Variants in OTOGL observed in about 807,000 individuals in gnomAD.
OTOGL encodes the protein otogelin-like protein.
Under a neutral mutation model 318.5 loss-of-function variants are expected in OTOGL, and 285 were observed. The ratio of observed to expected loss-of-function variants is 0.89; its 90% CI spans 0.81 to 0.99. The LOEUF is 0.99. Ranked by LOEUF, OTOGL falls within the 50% of genes least tolerant of loss-of-function variation. OTOGL has a pLI of 0.00. For missense variants in OTOGL, 2,899 were observed against 2,845.6 expected (o/e 1.02, Z -0.43); for synonymous variants, 987 against 936.5 (o/e 1.05, Z -0.99).
intron 1 of OTOGL, among the ~76,000 whole-genome samples, chr12:80,163,054 T>C (rs1873621418): frequency 6.6e-6 from 1 of 152,142 alleles, no homozygotes; most frequent in Non-Finnish European, 1.5e-5. Context: ...GGAGCCTGGA[T>C]ACATCATAAT....
chr12:80,230,511 A>G (rs1879268029), intron 8 of OTOGL, among the ~76,000 whole-genome samples: 1 of 152,198 alleles, frequency 6.6e-6, no homozygotes, highest in Non-Finnish European at 1.5e-5. Flanking sequence ...AAAAATTATC[A>G]TGTTTTGTAA....
chr12:80,328,510 C>T (rs150510180), intron 35 of OTOGL, among the ~76,000 whole-genome samples, 155 bp from the exon 36 acceptor site: 6 of 152,130 alleles, frequency 3.9e-5, no homozygotes, highest in African/African-American at 9.6e-5. Flanking sequence ...TTTTATAAAA[C>T]GAAGTAGCAG....
At chr12:80,365,701 C>G (rs1266837971) in intron 52 of OTOGL, among the ~76,000 whole-genome samples, 1 of 151,982 alleles carries the variant, frequency 6.6e-6, no homozygotes. Flanking sequence ...GAATTAGTGT[C>G]CATAAGACTA....
At chr12:80,344,889 T>C (rs4459376) in intron 44 of OTOGL, among the ~76,000 whole-genome samples, 4,753 of 150,274 alleles carry the variant, frequency 0.032, 162 homozygotes, top group Admixed American at 0.1. Flanking sequence ...TTTTTTTAAG[T>C]GTTATAGTTT....
intron 8 of OTOGL, among the ~76,000 whole-genome samples, chr12:80,230,532 C>A (rs1879269191): frequency 2.6e-5 from 4 of 152,006 alleles, no homozygotes; most frequent in African/African-American, 9.7e-5. Context: ...AACAGACTTG[C>A]CATTCAGATT....
chr12:80,249,450 G>T (rs938180109), intron 11 of OTOGL, among the ~76,000 whole-genome samples: 4 of 151,522 alleles, frequency 2.6e-5, no homozygotes, highest in African/African-American at 9.8e-5. Context: ...TGCCCCTGCT[G>T]GGGGGTGCCT....
intron 26 of OTOGL, among the ~76,000 whole-genome samples, chr12:80,294,949 G>T (rs373942077): frequency 1.3e-5 from 2 of 152,028 alleles, no homozygotes; most frequent in South Asian, 2.1e-4. Flanking sequence ...AATTGGTCAG[G>T]TGTGGTGGCA....
At chr12:80,264,099 C>G (rs1882761910) in intron 19 of OTOGL, among the ~76,000 whole-genome samples, 1 of 152,024 alleles carries the variant, frequency 6.6e-6, no homozygotes, top group African/African-American at 2.4e-5. Flanking sequence ...TGATCTCCAA[C>G]AGCTTATCTG....
chr12:80,310,050 A>G (rs532206201), intron 29 of OTOGL, among the ~76,000 whole-genome samples: 44 of 152,332 alleles, frequency 2.9e-4, no homozygotes, highest in African/African-American at 1.0e-3. Context: ...CCAAATGAGG[A>G]GAGACATTTA....
At chr12:80,197,056 G>T (rs1207392688) in intron 1 of OTOGL, among the ~76,000 whole-genome samples, 1 of 152,034 alleles carries the variant, frequency 6.6e-6, no homozygotes, top group Non-Finnish European at 1.5e-5. Context: ...ATACAACTTT[G>T]GTGTCCACAA....
At chr12:80,281,325 G>A (rs1884221996) in intron 26 of OTOGL, among the ~76,000 whole-genome samples, 1 of 151,858 alleles carries the variant, frequency 6.6e-6, no homozygotes, top group Non-Finnish European at 1.5e-5. Context: ...GATGTTGGTT[G>A]TGGGTTTGTC....
Position 80,130,066 on chromosome 12 carries a change from A to G in OTOGL, c.-20+30461A>G, listed in dbSNP as rs74108510. 5.6e-3 allele frequency among the ~76,000 whole-genome samples: 847 copies of G among 151,884 alleles called. 9 individuals are homozygous for G. The highest frequency in any genetic ancestry group is 0.019 in the African/African-American group (806 of 41,414). The stretch of plus-strand genomic sequence containing the variant: ...TTTTCTTCTGAAATATCCTATTACC[A>G]CCCTTGTCCAAGTCTATGTCATACT... On this transcript the variant is annotated intron_variant, in intron 1 of 58. Transcript: ENST00000547103.
chr12:80,236,907 C>T (rs546878372), intron 9 of OTOGL, among the ~76,000 whole-genome samples: 278 of 151,246 alleles, frequency 1.8e-3, no homozygotes, highest in Middle Eastern at 3.4e-3. Context: ...CTCCTCCTCC[C>T]GGGTTCAAAC....
chr12:80,323,730 G>A lies in OTOGL; in HGVS notation c.4089G>A (p.Gln1363=), dbSNP rs778089476. The A allele has an allele frequency of 6.2e-7, 1 of 1,612,402 alleles. No individual in the cohort carries two copies. The highest frequency in any genetic ancestry group is 1.3e-5 in the African/African-American group (1 of 74,862). ...AACTTTATTTTTTCCCAGAAATCCA[G>A]GCAGCAGTGCCTTACAGGAAGATGT... ...HSSSFSIEEI[Q]AAVPYRKMCE... is the part of the protein sequence containing the mutation. The change falls in exon 35 of 59, where the codon CAG becomes CAA. Residue 1363 remains glutamine, a synonymous_variant. Transcript: ENST00000547103.
At chr12:80,244,794 G>C (rs947448200) in intron 11 of OTOGL, among the ~76,000 whole-genome samples, 5 of 146,050 alleles carry the variant, frequency 3.4e-5, no homozygotes, top group Admixed American at 3.3e-4. Context: ...CAGTGTAAAA[G>C]TGTTCCTATT....
intron 1 of OTOGL, among the ~76,000 whole-genome samples, chr12:80,141,693 C>G (rs1334526453): frequency 6.6e-6 from 1 of 152,072 alleles, no homozygotes; most frequent in African/African-American, 2.4e-5. Context: ...CTCTGAGACT[C>G]AAATAAAGAA....
Position 80,271,917 on chromosome 12 carries a change from G to A in OTOGL, c.2681+107G>A, listed in dbSNP as rs1046739175. ...AGCCAGAATTGTTGTTCTGACTAGT[G>A]GTTAACTGGGTTGGTAGCTAGAAGA... is the stretch of plus-strand genomic sequence containing the variant. On this transcript the variant is annotated intron_variant, in intron 24 of 58. Transcript: ENST00000547103. The A allele has an allele frequency of 3.2e-6, 4 of 1,264,746 alleles. No individual in the cohort carries two copies. In the African/African-American group the frequency reaches 6.1e-5, roughly 19 times the overall value. 78.3% of individuals were successfully genotyped at this position (1,264,746 alleles called of 1,614,324 possible).
intron 29 of OTOGL, among the ~76,000 whole-genome samples, chr12:80,308,528 G>C (rs1465038308): frequency 6.6e-6 from 1 of 151,038 alleles, no homozygotes; most frequent in East Asian, 2.0e-4. Context: ...GACGATGGGC[G>C]GCCAGGCGGA....
At chr12:80,148,068 T>C (rs1180240157) in intron 1 of OTOGL, among the ~76,000 whole-genome samples, 1 of 152,048 alleles carries the variant, frequency 6.6e-6, no homozygotes, top group Admixed American at 6.6e-5. Context: ...AAGTTAATAT[T>C]GTTATGTGTG....
Sources: gnomAD v4.1 joint callset for allele counts (sites outside exome capture counted in the v4.1 genomes callset) on GRCh38, gnomAD v4.1.1 for gene constraint, MANE v1.5 for transcripts, NCBI Gene and HGNC (gene_info 2026-07-23, HGNC 2026-07-21) for gene names.